DCLK1: variants seen among roughly 807,000 people sequenced by gnomAD.
The protein encoded by DCLK1 is doublecortin like kinase 1.
In DCLK1, 16 loss-of-function variants were observed where a neutral mutation model predicts 86.2. The observed-to-expected ratio is 0.19, with a 90% CI of 0.13 to 0.28. The LOEUF is 0.28. Among genes scored for constraint, DCLK1 ranks in the 10% least tolerant of loss-of-function variants. The probability of loss-of-function intolerance (pLI) is 1.00; values close to 1 mark genes in which losing one functional copy is unlikely to be tolerated. For synonymous variants in DCLK1, 369 were observed against 370.5 expected, an observed-to-expected ratio of 1.00 and a Z score of 0.05; for missense variants, 590 against 940.2, an observed-to-expected ratio of 0.63 and a Z score of 4.87.
At chr13:35,907,841 T>TAAAAAAAAAA (rs35873614) in intron 4 of DCLK1, among the ~76,000 whole-genome samples, 1 of 140,700 alleles carries the variant, frequency 7.1e-6, no homozygotes. Context: ...GAAAAAACTT[T>TAAAAAAAAAA]AAAAAAAAAA....
intron 3 of DCLK1, among the ~76,000 whole-genome samples, chr13:36,054,970 T>C (rs1420307354): frequency 6.6e-6 from 1 of 152,142 alleles, no homozygotes; most frequent in Non-Finnish European, 1.5e-5. Context: ...CTGTATATAC[T>C]CATCTCTAAG....
intron 3 of DCLK1, among the ~76,000 whole-genome samples, chr13:36,086,806 T>C (rs1248224492): frequency 1.3e-5 from 2 of 152,198 alleles, no homozygotes; most frequent in Non-Finnish European, 2.9e-5. Context: ...GAACTCACTC[T>C]TTTTTATGGC....
chr13:36,000,934 G>T (rs1449659039), intron 3 of DCLK1, among the ~76,000 whole-genome samples: 2 of 150,528 alleles, frequency 1.3e-5, no homozygotes, highest in African/African-American at 2.5e-5. Context: ...TGCTATAAAA[G>T]TTGTATGCAT....
At chr13:35,879,478 T>C (rs1268611575) in intron 4 of DCLK1, among the ~76,000 whole-genome samples, 1 of 152,218 alleles carries the variant, frequency 6.6e-6, no homozygotes, top group Admixed American at 6.5e-5. Flanking sequence ...TTCCAAACCC[T>C]TTCCTTTTCC....
At chr13:36,094,645 G>A (rs879649375) in intron 3 of DCLK1, among the ~76,000 whole-genome samples, 32 of 152,066 alleles carry the variant, frequency 2.1e-4, no homozygotes, top group African/African-American at 6.8e-4. Context: ...GACAAATGTC[G>A]TTACTGCACC....
Position 35,949,459 on chromosome 13 carries a change from G to A in DCLK1, c.724-2002C>T, listed in dbSNP as rs142125052. Among the ~76,000 whole-genome samples, 4 of 152,274 alleles carry A rather than the reference G, an allele frequency of 2.6e-5. No individual in the cohort carries two copies. In the East Asian group the frequency reaches 5.8e-4, roughly 22 times the overall value. On this transcript the variant is annotated intron_variant, in intron 3 of 16. Coordinates refer to ENST00000360631, the MANE Select transcript of DCLK1 (RefSeq NM_001330071.2). ...ACAGTTATCCACTCTGCTCCTAGGCGGCCATGCTTCTGCAGCTGATAAATA... is the reference window on the plus strand; with the variant it reads ...ACAGTTATCCACTCTGCTCCTAGGCAGCCATGCTTCTGCAGCTGATAAATA...
intron 8 of DCLK1, among the ~76,000 whole-genome samples, chr13:35,831,729 C>G (rs1023439592): frequency 6.6e-6 from 1 of 152,164 alleles, no homozygotes; most frequent in Non-Finnish European, 1.5e-5. Flanking sequence ...CACAACAAAA[C>G]CAGCAGCAAC....
At chr13:36,093,592 G>A (rs934591736) in intron 3 of DCLK1, among the ~76,000 whole-genome samples, 3 of 152,074 alleles carry the variant, frequency 2.0e-5, no homozygotes, top group East Asian at 3.9e-4. Context: ...TGAGGACCTC[G>A]ATATTCCCAA....
Position 35,940,286 on chromosome 13 carries a change from C to T in DCLK1, c.823+7072G>A, listed in dbSNP as rs967548408. Among the ~76,000 whole-genome samples the T allele has an allele frequency of 1.0e-3, 136 of 130,730 alleles. 1 individual carries two copies. The highest frequency in any genetic ancestry group is 4.2e-3 in the African/African-American group (121 of 28,796). The allele number at this position is 130,730 out of a possible 152,430, so 85.8% of individuals were successfully genotyped here. On this transcript the variant is annotated intron_variant, in intron 4 of 16. Coordinates refer to ENST00000360631, the MANE Select transcript of DCLK1 (RefSeq NM_001330071.2). Reference sequence around the variant, plus strand: ...CAGCCTGGGTGACACAGCAAGAGTCCGTCTCAAAAAAAAAAAAAAATAAGT... The same window carrying T: ...CAGCCTGGGTGACACAGCAAGAGTCTGTCTCAAAAAAAAAAAAAAATAAGT...
chr13:35,847,380 A>G (rs1320364799), intron 6 of DCLK1: 151 of 985,108 alleles, frequency 1.5e-4, no homozygotes, highest in Non-Finnish European at 1.8e-4. Flanking sequence ...TATCACAAAT[A>G]CTATACTTTA....
At chr13:36,026,359 A>G (rs1882034395) in intron 3 of DCLK1, among the ~76,000 whole-genome samples, 1 of 152,218 alleles carries the variant, frequency 6.6e-6, no homozygotes, top group Non-Finnish European at 1.5e-5. Context: ...TAATGCAAAA[A>G]CAAACTACAA....
intron 11 of DCLK1, among the ~76,000 whole-genome samples, chr13:35,818,982 CGTCT>C (rs1394812739): frequency 6.6e-6 from 1 of 151,986 alleles, no homozygotes; most frequent in Non-Finnish European, 1.5e-5. Context: ...GTGAGAACTC[CGTCT>C]AACAGGCCAG....
chr13:35,841,424 C>G (rs1398101584), intron 6 of DCLK1, among the ~76,000 whole-genome samples: 1 of 152,066 alleles, frequency 6.6e-6, no homozygotes, highest in Non-Finnish European at 1.5e-5. Flanking sequence ...TTTAACAGTG[C>G]CACCAAATGG....
chr13:35,889,371 T>C (rs554459339), intron 4 of DCLK1, among the ~76,000 whole-genome samples: 17 of 152,196 alleles, frequency 1.1e-4, no homozygotes, highest in African/African-American at 3.9e-4. Context: ...TGTGCAAAAA[T>C]ATTAAAAGAA....
At chr13:36,036,663 G>A (rs998516356) in intron 3 of DCLK1, among the ~76,000 whole-genome samples, 13 of 151,954 alleles carry the variant, frequency 8.6e-5, no homozygotes, top group African/African-American at 3.1e-4. Flanking sequence ...AACATAGAAA[G>A]TCACATTTTA....
chr13:35,839,273 C>G, intron 6 of DCLK1, 97 bp from the exon 7 acceptor site: 1 of 1,085,620 alleles, frequency 9.2e-7, no homozygotes, highest in Non-Finnish European at 1.3e-6. Flanking sequence ...GAAAACTTTG[C>G]CCATGCTAGG....
chr13:35,852,837 G>A lies in DCLK1; in HGVS notation c.1035+1662C>T, dbSNP rs962593358. Among the ~76,000 whole-genome samples, 8 of 152,144 alleles carry A rather than the reference G, an allele frequency of 5.3e-5. No homozygotes were observed. In the East Asian group the frequency reaches 5.8e-4, roughly 11 times the overall value. ...AAGGAGAGGAGCTCCCATTTGCAGC[G>A]GGAATTCCCAATCACTCTTAATGTC... is the stretch of plus-strand genomic sequence containing the variant. On this transcript the variant is annotated intron_variant, in intron 6 of 16. Coordinates refer to ENST00000360631, the MANE Select transcript of DCLK1 (RefSeq NM_001330071.2).
At position 35,947,454 on chromosome 13, in the gene DCLK1, T is replaced by C. The variant is rs1877449155; in HGVS notation, c.727A>G (p.Met243Val). The C allele has an allele frequency of 6.2e-7, 1 of 1,613,158 alleles. No homozygotes were observed. Among genetic ancestry groups the C allele is most frequent in the Admixed American group, 1.7e-5 (1 of 59,980 alleles). The change falls in exon 4 of 17, where the codon ATG becomes GTG. Residue 243 changes from methionine (M) to valine (V), a missense_variant. By Grantham distance (21) the Met-to-Val change is conservative. Transcript: ENST00000360631. Reference protein sequence around the residue: ...RLYTLDGKQVMCLQDFFGDDD... With the variant: ...RLYTLDGKQVVCLQDFFGDDD... ...TCACCAAAAAAGTCCTGAAGGCACATCACCTACAAGAGAAAAGCATGGCAC... is the reference window on the plus strand; with the variant it reads ...TCACCAAAAAAGTCCTGAAGGCACACCACCTACAAGAGAAAAGCATGGCAC...
intron 3 of DCLK1, among the ~76,000 whole-genome samples, chr13:36,102,189 C>CTT (rs60965913): frequency 1.4e-5 from 2 of 138,460 alleles, no homozygotes; most frequent in African/African-American, 2.7e-5. Flanking sequence ...CTAGTCTAAT[C>CTT]TTTTTTTTTT....
Sources: allele counts gnomAD v4.1 joint callset (sites outside exome capture counted in the v4.1 genomes callset), GRCh38; gene constraint gnomAD v4.1.1; transcripts MANE v1.5; gene names NCBI Gene and HGNC (gene_info 2026-07-23, HGNC 2026-07-21).